The following GRAMD2B variants were observed in gnomAD, a reference collection of about 807,000 sequenced individuals.
GRAMD2B encodes GRAM domain-containing protein 2B.
A neutral mutation model predicts 59.2 loss-of-function variants in GRAMD2B; 41 were observed. That is an observed-to-expected ratio of 0.69 (90% CI 0.54 to 0.90). The LOEUF is 0.90. Ranked by LOEUF, GRAMD2B falls within the 40% of genes least tolerant of loss-of-function variation. GRAMD2B has a pLI of 0.00. For missense variants in GRAMD2B, 424 were observed against 500.5 expected, an observed-to-expected ratio of 0.85 and a Z score of 1.46; for synonymous variants, 161 against 182.7, an observed-to-expected ratio of 0.88 and a Z score of 0.96.
At chr5:126,401,435 TA>T (rs1757825943) in intron 1 of GRAMD2B, among the ~76,000 whole-genome samples, 1 of 152,130 alleles carries the variant, frequency 6.6e-6, no homozygotes, top group African/African-American at 2.4e-5. Flanking sequence ...CAGAAATTCA[TA>T]GGTCTCCATT....
At chr5:126,412,074 A>C (rs1758853404) in intron 1 of GRAMD2B, among the ~76,000 whole-genome samples, 1 of 151,934 alleles carries the variant, frequency 6.6e-6, no homozygotes, top group African/African-American at 2.4e-5. Context: ...AGTTGACTTC[A>C]TCTTTTCCTA....
chr5:126,403,180 G>A (rs1214560884), intron 1 of GRAMD2B, among the ~76,000 whole-genome samples: 1 of 151,692 alleles, frequency 6.6e-6, no homozygotes, highest in Non-Finnish European at 1.5e-5. Context: ...TCAGTGTAGA[G>A]GTCACCTTGG....
chr5:126,395,412 G>C (rs1361712385), intron 1 of GRAMD2B, among the ~76,000 whole-genome samples: 2 of 152,156 alleles, frequency 1.3e-5, no homozygotes, highest in African/African-American at 4.8e-5. Flanking sequence ...TCTTGTGGAT[G>C]AAAGCCCTCA....
In GRAMD2B at chr5:126,472,275, G is replaced by A. The variant is rs745422128; in HGVS notation, c.353G>A (p.Ser118Asn). ...ATGCACTTTCACAAGTTGTTTCTTA[G>A]TGTCCCAACGGAGGAACCACTGAAG... ...ANMHFHKLFLSVPTEEPLKQS... is the reference protein window; with the variant it reads ...ANMHFHKLFLNVPTEEPLKQS... Residue 118 changes from serine (S) to asparagine (N), a missense_variant, in exon 4 of 14, where the codon AGT (serine) becomes AAT (asparagine). Transcript: ENST00000285689. 1 of 1,614,006 alleles carries A rather than the reference G, an allele frequency of 6.2e-7. No homozygotes were observed. Among genetic ancestry groups the A allele is most frequent in the Non-Finnish European group, 8.5e-7 (1 of 1,179,886 alleles).
chr5:126,408,387 T>C (rs1758447057), intron 1 of GRAMD2B, among the ~76,000 whole-genome samples: 2 of 152,176 alleles, frequency 1.3e-5, no homozygotes, highest in South Asian at 4.1e-4. Flanking sequence ...TCTTTGCTAT[T>C]GTGAATAGTG....
chr5:126,389,891 T>C (rs977880103), intron 1 of GRAMD2B, among the ~76,000 whole-genome samples: 2 of 152,078 alleles, frequency 1.3e-5, no homozygotes, highest in African/African-American at 4.8e-5. Context: ...GAGGTTGCAG[T>C]GAGCCAAGAT....
Position 126,480,424 on chromosome 5 carries a change from T to C in GRAMD2B, c.583-32T>C, listed in dbSNP as rs1444843874. The C allele has an allele frequency of 2.7e-6, 4 of 1,493,998 alleles. No individual in the cohort carries two copies. The African/African-American group carries it at 4.1e-5, about 15-fold the overall frequency. 92.5% of individuals were successfully genotyped at this position (1,493,998 alleles called of 1,614,324 possible). A position where few individuals can be genotyped will look rare whatever the true frequency, so the allele number is the denominator to read the frequency against. Reference sequence around the variant, plus strand: ...AACTCTCACTTCTCATCCGGCAATATCTATTCATAATTATCCTGTTTTGTT... The same window carrying C: ...AACTCTCACTTCTCATCCGGCAATACCTATTCATAATTATCCTGTTTTGTT... On this transcript the variant is annotated intron_variant, in intron 6 of 13. Transcript: ENST00000285689.
chr5:126,363,404 A>C lies in GRAMD2B; in HGVS notation c.128+2945A>C, dbSNP rs530149084. ...AATGTTACGACCATTTTGGAAAAAA[A>C]GTTTGTCAGTTCCTCAAAAAGTTAA... is the stretch of plus-strand genomic sequence containing the variant. On this transcript the variant is annotated intron_variant, in intron 1 of 13. Coordinates refer to the GRAMD2B transcript ENST00000513040. Among the ~76,000 whole-genome samples the C allele has an allele frequency of 3.3e-5, 5 of 152,340 alleles. No individual in the cohort carries two copies. In the East Asian group the frequency reaches 9.6e-4, roughly 29 times the overall value.
chr5:126,489,467 G>T (rs1773546373), intron 13 of GRAMD2B, among the ~76,000 whole-genome samples: 1 of 152,184 alleles, frequency 6.6e-6, no homozygotes, highest in African/African-American at 2.4e-5. Flanking sequence ...CATAAATAAA[G>T]TCAGCAGATC....
At chr5:126,424,318 G>GT (rs562821441) in intron 1 of GRAMD2B, among the ~76,000 whole-genome samples, 119 of 152,096 alleles carry the variant, frequency 7.8e-4, no homozygotes, top group African/African-American at 2.8e-3. Flanking sequence ...AGGAGAGGTT[G>GT]TTTTTTTCCT....
chr5:126,400,721 A>AT (rs1757755216), intron 1 of GRAMD2B, among the ~76,000 whole-genome samples: 1 of 152,110 alleles, frequency 6.6e-6, no homozygotes, highest in Non-Finnish European at 1.5e-5. Context: ...TTTATCAAGT[A>AT]TGGTATTCTT....
At position 126,392,334 on chromosome 5, in the gene GRAMD2B, T is replaced by G. The variant is rs563178977; in HGVS notation, c.125+20767T>G. Among the ~76,000 whole-genome samples, 16 of 152,054 alleles carry G rather than the reference T, an allele frequency of 1.1e-4. No individual in the cohort carries two copies. The East Asian group carries it at 3.1e-3, about 29-fold the overall frequency. The stretch of plus-strand genomic sequence containing the variant: ...CACAGGGGGAAAGACACAAGTGGAG[T>G]CTGCAGGAATCCATGTACAGGCTTC... On this transcript the variant is annotated intron_variant, in intron 1 of 8. Transcript: ENST00000506445.
intron 1 of GRAMD2B, among the ~76,000 whole-genome samples, chr5:126,429,742 T>C (rs1761256752): frequency 6.6e-6 from 1 of 152,198 alleles, no homozygotes; most frequent in Admixed American, 6.5e-5. Flanking sequence ...CCTGCAACAA[T>C]GTTCCATAAA....
intron 1 of GRAMD2B, among the ~76,000 whole-genome samples, chr5:126,425,848 C>T (rs1377450276): frequency 6.6e-6 from 1 of 151,966 alleles, no homozygotes; most frequent in Non-Finnish European, 1.5e-5. Context: ...TTTCCAGGCG[C>T]TGGAAGGTAG....
In GRAMD2B at chr5:126,465,561, ACTCT is replaced by A. The variant is rs761242750; in HGVS notation, c.203+19_203+22del. ...TTAGCCTATGGTAAGTCCTCCGTTG[ACTCT>A]CTTTGTTCTCTTTTGTCTTTTGGGG... On this transcript the variant is annotated intron_variant, in intron 2 of 13. Transcript: ENST00000285689. The A allele has an allele frequency of 6.2e-7, 1 of 1,609,444 alleles. No homozygotes were observed. The highest frequency in any genetic ancestry group is 1.3e-5 in the African/African-American group (1 of 74,540).
intron 1 of GRAMD2B, among the ~76,000 whole-genome samples, chr5:126,425,271 C>T (rs1434949291): frequency 2.0e-5 from 3 of 152,110 alleles, no homozygotes; most frequent in African/African-American, 7.2e-5. Flanking sequence ...GCTATATACA[C>T]AAGATACGAA....
intron 1 of GRAMD2B, among the ~76,000 whole-genome samples, chr5:126,448,100 C>G (rs1186046812): frequency 6.6e-6 from 1 of 151,998 alleles, no homozygotes; most frequent in Admixed American, 6.6e-5. Flanking sequence ...AAGTAACCCA[C>G]CCGCCTCAGC....
intron 1 of GRAMD2B, among the ~76,000 whole-genome samples, chr5:126,388,315 G>A (rs1756365293): frequency 6.6e-6 from 1 of 152,092 alleles, no homozygotes; most frequent in Admixed American, 6.5e-5. Context: ...TGAGGCTGCA[G>A]TGAGCCATAT....
At chr5:126,471,206 A>G (rs969451416) in intron 3 of GRAMD2B, among the ~76,000 whole-genome samples, 3 of 152,088 alleles carry the variant, frequency 2.0e-5, no homozygotes, top group Non-Finnish European at 4.4e-5. Context: ...CATTCTCCTT[A>G]TAAGAATTTT....
Sources: gnomAD v4.1 joint callset for allele counts (sites outside exome capture counted in the v4.1 genomes callset) on GRCh38, gnomAD v4.1.1 for gene constraint, MANE v1.5 for transcripts, NCBI Gene and HGNC (gene_info 2026-07-23, HGNC 2026-07-21) for gene names.